The following AGMAT variants were observed in gnomAD, a reference collection of about 807,000 sequenced individuals.
The protein encoded by AGMAT is guanidino acid hydrolase, mitochondrial.
Under a neutral mutation model 29.3 loss-of-function variants are expected in AGMAT, and 37 were observed. The observed-to-expected ratio is 1.26, with a 90% CI of 0.97 to 1.66. AGMAT has a LOEUF of 1.66. Ranked by LOEUF, AGMAT falls within the 40% of genes most tolerant of loss-of-function variation. The pLI is 0.00. For synonymous variants in AGMAT, 199 were observed against 200.8 expected, an observed-to-expected ratio of 0.99 and a Z score of 0.08; for missense variants, 498 against 497.8, an observed-to-expected ratio of 1.00 and a Z score of 0.00.
intron 5 of AGMAT, 54 bp downstream of exon 5, chr1:15,577,631 A>C: frequency 6.7e-7 from 1 of 1,502,142 alleles, no homozygotes; most frequent in Non-Finnish European, 9.1e-7. Flanking sequence ...GTCCCAGGAA[A>C]ATGGGTGTTA....
chr1:15,575,014 G>A (rs964389601), intron 5 of AGMAT, 173 bp from the exon 6 acceptor site: 7 of 558,592 alleles, frequency 1.3e-5, no homozygotes, highest in Middle Eastern at 4.9e-4. Flanking sequence ...CAGATAATGC[G>A]TACACAGTCC....
intron 2 of AGMAT, among the ~76,000 whole-genome samples, chr1:15,580,419 G>T (rs1437279751): frequency 6.6e-6 from 1 of 151,536 alleles, no homozygotes; most frequent in African/African-American, 2.4e-5. Flanking sequence ...TGGTCAGACT[G>T]GTCTCAAACT....
intron 2 of AGMAT, among the ~76,000 whole-genome samples, chr1:15,581,153 A>G (rs1639107905): frequency 6.6e-6 from 1 of 152,038 alleles, no homozygotes; most frequent in African/African-American, 2.4e-5. Context: ...TTCAAGGTCC[A>G]CCTGGGTAAT....
rs963058547 is a variant in AGMAT, at chr1:15,584,773, C to A, written c.195G>T (p.Gln65His). The A allele has an allele frequency of 4.3e-5, 59 of 1,380,904 alleles. No individual in the cohort carries two copies. The highest frequency in any genetic ancestry group is 5.3e-5 in the Non-Finnish European group (56 of 1,065,986). 85.5% of individuals were successfully genotyped at this position (1,380,904 alleles called of 1,614,324 possible). A position where few individuals can be genotyped will look rare whatever the true frequency, so the allele number is the denominator to read the frequency against. ...GVCSMMRLPV[Q>H]TSPEGLDAAF... ...CAGCGTCCAGCCCCTCGGGGGAGGT[C>A]TGCACCGGCAGGCGCATCATGGAGC... The change falls in exon 1 of 7, where the codon CAG becomes CAT. Residue 65 changes from glutamine (Q) to histidine (H), a missense_variant. Physicochemically the swap from Gln to His is conservative, Grantham distance 24. Coordinates refer to ENST00000375826, the MANE Select transcript of AGMAT (RefSeq NM_024758.5).
intron 3 of AGMAT, among the ~76,000 whole-genome samples, chr1:15,579,689 G>T (rs1295567073): frequency 6.6e-6 from 1 of 152,164 alleles, no homozygotes; most frequent in Non-Finnish European, 1.5e-5. Flanking sequence ...ATTGAGAAAG[G>T]TGCCCTTTCA....
At chr1:15,584,617 C>T (rs1181965845) in intron 1 of AGMAT, 79 bp downstream of exon 1, 1 of 1,240,272 alleles carries the variant, frequency 8.1e-7, no homozygotes, top group Non-Finnish European at 1.0e-6. Flanking sequence ...GCAGGGGCGC[C>T]TGTCTCGGTG....
intron 6 of AGMAT, among the ~76,000 whole-genome samples, chr1:15,574,378 CTTT>C (rs1408152074): frequency 5.1e-5 from 7 of 136,562 alleles, no homozygotes; most frequent in Admixed American, 7.4e-5. Context: ...AGGGACTCAT[CTTT>C]TTTTTTTTTT....
At chr1:15,575,606 G>A (rs1639026514) in intron 5 of AGMAT, 1 of 152,190 alleles carries the variant, frequency 6.6e-6, no homozygotes, top group Non-Finnish European at 1.5e-5. Context: ...CCCTTGGGGA[G>A]ATTCTAGTCA....
Position 15,573,073 on chromosome 1 carries a change from A to G in AGMAT, c.*578T>C, listed in dbSNP as rs889585680. 9 of 152,708 alleles carry G rather than the reference A, an allele frequency of 5.9e-5. No individual in the cohort carries two copies. Among genetic ancestry groups the G allele is most frequent in the African/African-American group, 2.2e-4 (9 of 41,396 alleles). 9.5% of individuals were successfully genotyped at this position (152,708 alleles called of 1,614,324 possible). On this transcript the variant is annotated 3_prime_UTR_variant, in exon 7 of 7. Coordinates refer to ENST00000375826, the MANE Select transcript of AGMAT (RefSeq NM_024758.5). ...CAGGAGTTCAAGACCAGCCTGGCCA[A>G]TGTGGTGAAACCCTGTCTCTACTAA...
In AGMAT at chr1:15,578,394, A is replaced by T. The variant is rs948897636; in HGVS notation, c.720+465T>A. On this transcript the variant is annotated intron_variant, in intron 4 of 6. Transcript: ENST00000375826. The stretch of plus-strand genomic sequence containing the variant: ...ACTGCAACCTCCACCTCCCACGTTC[A>T]AGCAATTCTCCTGCCTCAGTCTCCC... Among the ~76,000 whole-genome samples, 11 of 151,838 alleles carry T rather than the reference A, an allele frequency of 7.2e-5. 1 individual carries two copies. Among genetic ancestry groups the T allele is most frequent in the African/African-American group, 2.7e-4 (11 of 41,316 alleles).
chr1:15,583,265 GA>G lies in AGMAT; in HGVS notation c.402del (p.Gln135ArgfsTer15). The G allele has an allele frequency of 6.2e-7, 1 of 1,614,182 alleles. No individual in the cohort carries two copies. The highest frequency in any genetic ancestry group is 2.2e-5 in the East Asian group (1 of 44,886). On this transcript the variant is annotated frameshift_variant, in exon 2 of 7. Transcript: ENST00000375826. LOFTEE classifies it high-confidence loss of function. ...TCTTGAATTCGCCGGCAGCTGTCCTGAAGGTTGTAAAGATTGACATTCACAT... is the reference window on the plus strand; with the variant it reads ...TCTTGAATTCGCCGGCAGCTGTCCTGAGGTTGTAAAGATTGACATTCACAT... ...LGDVNVNLYN[L>X]QDSCRRIQEA...
In AGMAT at chr1:15,577,652, C is replaced by A. The variant is rs775945975; in HGVS notation, c.900+33G>T. 3.2e-6 allele frequency: 5 copies of A among 1,584,942 alleles called. No individual in the cohort carries two copies. The East Asian group carries it at 1.1e-4, about 36-fold the overall frequency. The stretch of plus-strand genomic sequence containing the variant: ...GGAAAATGGGTGTTAAGTGTCTCCA[C>A]CCCCAGGATCTTCACTGGTGGAATC... On this transcript the variant is annotated intron_variant, in intron 5 of 6. Transcript: ENST00000375826.
Position 15,578,882 on chromosome 1 carries a change from G to C in AGMAT, c.697C>G (p.Pro233Ala), listed in dbSNP as rs775374564. 1.2e-6 allele frequency: 2 copies of C among 1,614,138 alleles called. No homozygotes were observed. Reference sequence around the variant, plus strand: ...ACCTGGCTCCGGTTGTATCTGTAGGGATCCAAGGTCGTGGAAGAGCCCCGG... The same window carrying C: ...ACCTGGCTCCGGTTGTATCTGTAGGCATCCAAGGTCGTGGAAGAGCCCCGG... ...GIRGSSTTLD[P>A]YRYNRSQGFR... is the part of the protein sequence containing the mutation. The change falls in exon 4 of 7, where the codon CCC (proline) becomes GCC (alanine). Residue 233 changes from proline to alanine, a missense_variant. Physicochemically the swap from Pro to Ala is conservative, Grantham distance 27. Transcript: ENST00000375826.
chr1:15,577,813 G>A lies in AGMAT; in HGVS notation c.772C>T (p.Leu258=), dbSNP rs1486660777. Residue 258 remains leucine (L), a synonymous_variant, in exon 5 of 7, where the codon CTG becomes TTG. Transcript: ENST00000375826. The part of the protein sequence containing the change: ...EDCWMKSLVP[L]MGEVRQQMGG... ...ATCTGCTGCCTGACTTCCCCCATCA[G>A]AGGAACCAGCGACTTCATCCAGCAG... 1.2e-6 allele frequency: 2 copies of A among 1,614,040 alleles called. No individual in the cohort carries two copies. Among genetic ancestry groups the A allele is most frequent in the African/African-American group, 2.7e-5 (2 of 74,916 alleles).
chr1:15,583,292 C>A lies in AGMAT; in HGVS notation c.376G>T (p.Asp126Tyr). The change falls in exon 2 of 7, where the codon GAT becomes TAT. Residue 126 changes from aspartate (D) to tyrosine (Y), a missense_variant. Physicochemically the swap from Asp to Tyr is radical, Grantham distance 160. Transcript: ENST00000375826. Reference sequence around the variant, plus strand: ...AGGTTGTAAAGATTGACATTCACATCGCCTAGGTCTGCAACCATGAGGGAC... The same window carrying A: ...AGGTTGTAAAGATTGACATTCACATAGCCTAGGTCTGCAACCATGAGGGAC... ...FQSLMVADLG[D>Y]VNVNLYNLQD... 6.2e-7 allele frequency: 1 copy of A among 1,614,146 alleles called. No individual in the cohort carries two copies. The highest frequency in any genetic ancestry group is 1.1e-5 in the South Asian group (1 of 91,082).
At chr1:15,581,945 T>C (rs1639120962) in intron 2 of AGMAT, among the ~76,000 whole-genome samples, 1 of 151,772 alleles carries the variant, frequency 6.6e-6, no homozygotes, top group Non-Finnish European at 1.5e-5. Context: ...CTGATAATAA[T>C]AACAGTTAAC....
intron 5 of AGMAT, among the ~76,000 whole-genome samples, chr1:15,576,952 G>T (rs553260956): frequency 7.0e-6 from 1 of 143,436 alleles, no homozygotes; most frequent in Non-Finnish European, 1.5e-5. Flanking sequence ...GAGTTTCACC[G>T]TGTTAGCCAA....
chr1:15,574,796 A>G lies in AGMAT; in HGVS notation c.946T>C (p.Cys316Arg). The part of the protein sequence containing the change: ...RGCQGLNVMG[C>R]DLVEVSPPYD... ...GGTGGTGAAACTTCGACAAGATCAC[A>G]GCCCATCACGTTCAGGCCTTGACAA... Residue 316 changes from cysteine to arginine, a missense_variant, in exon 6 of 7, where the codon TGT (cysteine) becomes CGT (arginine). Physicochemically the swap from Cys to Arg is radical, Grantham distance 180 (BLOSUM62 -3). Coordinates refer to ENST00000375826, the MANE Select transcript of AGMAT (RefSeq NM_024758.5). 2 of 1,614,050 alleles carry G rather than the reference A, an allele frequency of 1.2e-6. No homozygotes were observed. Among genetic ancestry groups the G allele is most frequent in the Non-Finnish European group, 1.7e-6 (2 of 1,179,938 alleles).
chr1:15,581,595 C>T (rs1029838041), intron 2 of AGMAT, among the ~76,000 whole-genome samples: 8 of 150,844 alleles, frequency 5.3e-5, no homozygotes, highest in Non-Finnish European at 1.0e-4. Flanking sequence ...TGAATTTAGG[C>T]CGGGCGTGGT....
Sources: gnomAD v4.1 joint callset for allele counts (sites outside exome capture counted in the v4.1 genomes callset) on GRCh38, gnomAD v4.1.1 for gene constraint, MANE v1.5 for transcripts, NCBI Gene and HGNC (gene_info 2026-07-23, HGNC 2026-07-21) for gene names.